HS6ST3: variants seen among roughly 807,000 people sequenced by gnomAD.
HS6ST3 encodes the protein heparan-sulfate 6-O-sulfotransferase 3.
Under a neutral mutation model 36.7 loss-of-function variants are expected in HS6ST3, and 12 were observed. The ratio of observed to expected loss-of-function variants is 0.33; its 90% CI spans 0.21 to 0.53. The LOEUF (loss-of-function observed/expected upper bound fraction) is 0.53, where lower values mean the gene tolerates loss of function less well. Ranked by LOEUF, HS6ST3 falls within the 20% of genes least tolerant of loss-of-function variation. HS6ST3 has a pLI of 0.95. For missense variants in HS6ST3, 584 were observed against 640.9 expected, an observed-to-expected ratio of 0.91 and a Z score of 0.96; for synonymous variants, 240 against 257.5, an observed-to-expected ratio of 0.93 and a Z score of 0.65.
chr13:96,586,044 A>AT (rs1297440977), intron 1 of HS6ST3, among the ~76,000 whole-genome samples: 1 of 151,808 alleles, frequency 6.6e-6, no homozygotes, highest in East Asian at 1.9e-4. Context: ...ATAAGGGTTT[A>AT]TTTTTTCCCA....
chr13:96,688,348 T>A lies in HS6ST3; in HGVS notation c.708-144142T>A, dbSNP rs928204657. ...AGCGTGGATGAATGCTGTGCTTCTA[T>A]GAATTTGTTTTATATTTTAAATGGA... On this transcript the variant is annotated intron_variant, in intron 1 of 1. Coordinates refer to ENST00000376705, the MANE Select transcript of HS6ST3 (RefSeq NM_153456.4). Among the ~76,000 whole-genome samples, 6 of 151,960 alleles carry A rather than the reference T, an allele frequency of 3.9e-5. No individual in the cohort carries two copies. In the Admixed American group the frequency reaches 3.9e-4, roughly 10 times the overall value.
intron 1 of HS6ST3, among the ~76,000 whole-genome samples, chr13:96,593,541 T>G (rs996253369): frequency 2.0e-5 from 3 of 151,500 alleles, no homozygotes; most frequent in African/African-American, 7.3e-5. Flanking sequence ...ACTAATTCTT[T>G]CTTCTGCTTG....
chr13:96,268,417 G>T (rs2054703280), intron 1 of HS6ST3, among the ~76,000 whole-genome samples: 1 of 151,864 alleles, frequency 6.6e-6, no homozygotes, highest in Non-Finnish European at 1.5e-5. Context: ...ATCAGATCTT[G>T]TGAGAACTCA....
rs79468926 is a variant in HS6ST3, at chr13:96,374,719, C to T, written c.707+283150C>T. Reference sequence around the variant, plus strand: ...CAGGCATCACAAAAAGGTCACTATACATCAGAGAACAAGGAGTTCTGACTT... The same window carrying T: ...CAGGCATCACAAAAAGGTCACTATATATCAGAGAACAAGGAGTTCTGACTT... On this transcript the variant is annotated intron_variant, in intron 1 of 1. Transcript: ENST00000376705. Among the ~76,000 whole-genome samples the T allele has an allele frequency of 1.4e-3, 212 of 152,214 alleles. 6 individuals are homozygous for T. The East Asian group carries it at 0.037, about 27-fold the overall frequency.
intron 1 of HS6ST3, among the ~76,000 whole-genome samples, chr13:96,298,467 C>T (rs1793143074): frequency 6.6e-6 from 1 of 152,140 alleles, no homozygotes; most frequent in Non-Finnish European, 1.5e-5. Flanking sequence ...TAAGTTTTCT[C>T]TTTAGGCTCG....
intron 1 of HS6ST3, among the ~76,000 whole-genome samples, chr13:96,417,948 C>T (rs764552244): frequency 1.3e-5 from 2 of 152,022 alleles, no homozygotes; most frequent in African/African-American, 2.4e-5. Flanking sequence ...GAATAACACA[C>T]GTGGACATTT....
chr13:96,435,211 A>T (rs887372466), intron 1 of HS6ST3, among the ~76,000 whole-genome samples: 2 of 152,230 alleles, frequency 1.3e-5, no homozygotes, highest in African/African-American at 4.8e-5. Flanking sequence ...GAAGCCTCAG[A>T]TAGAAATTCT....
chr13:96,449,859 A>G (rs1357974007), intron 1 of HS6ST3, among the ~76,000 whole-genome samples: 2 of 152,208 alleles, frequency 1.3e-5, no homozygotes, highest in Non-Finnish European at 2.9e-5. Flanking sequence ...GCCCTTCTCC[A>G]TTATAAAAAT....
chr13:96,387,340 G>A (rs1307059465), intron 1 of HS6ST3, among the ~76,000 whole-genome samples: 1 of 152,114 alleles, frequency 6.6e-6, no homozygotes, highest in Non-Finnish European at 1.5e-5. Flanking sequence ...AGTTAATATA[G>A]ATGATCTTCA....
intron 1 of HS6ST3, among the ~76,000 whole-genome samples, chr13:96,687,621 A>G (rs1438686787): frequency 6.6e-6 from 1 of 151,976 alleles, no homozygotes; most frequent in Admixed American, 6.6e-5. Flanking sequence ...AGTAGTGTGC[A>G]TGTCAGTCTG....
At chr13:96,610,853 G>GAAAAAAAAA (rs780834486) in intron 1 of HS6ST3, among the ~76,000 whole-genome samples, 1 of 135,838 alleles carries the variant, frequency 7.4e-6, no homozygotes, top group African/African-American at 2.7e-5. Context: ...TGAAAAAAAT[G>GAAAAAAAAA]AAAAAAAAAA....
chr13:96,627,150 C>T (rs1482430406), intron 1 of HS6ST3, among the ~76,000 whole-genome samples: 1 of 151,982 alleles, frequency 6.6e-6, no homozygotes, highest in African/African-American at 2.4e-5. Flanking sequence ...GTATTTATTG[C>T]GTATGTTTTT....
At chr13:96,732,464 C>T (rs866749840) in intron 1 of HS6ST3, among the ~76,000 whole-genome samples, 9 of 151,512 alleles carry the variant, frequency 5.9e-5, no homozygotes, top group Admixed American at 1.3e-4. Context: ...GTGCCTTTGT[C>T]GAAAACAGTT....
chr13:96,673,059 C>T (rs757051229), intron 1 of HS6ST3, among the ~76,000 whole-genome samples: 4 of 152,120 alleles, frequency 2.6e-5, no homozygotes, highest in Non-Finnish European at 5.9e-5. Flanking sequence ...TAGAGGAGAA[C>T]CCTCTCCTTT....
At chr13:96,207,570 A>T (rs2052448080) in intron 1 of HS6ST3, among the ~76,000 whole-genome samples, 1 of 152,160 alleles carries the variant, frequency 6.6e-6, no homozygotes, top group African/African-American at 2.4e-5. Context: ...AAAGACATGG[A>T]ATCAACCTAA....
chr13:96,464,626 G>T (rs2055803081), intron 1 of HS6ST3, among the ~76,000 whole-genome samples: 1 of 152,078 alleles, frequency 6.6e-6, no homozygotes, highest in Non-Finnish European at 1.5e-5. Flanking sequence ...CATATATAAT[G>T]GAAGAAGAGG....
At chr13:96,172,846 A>C (rs1159011667) in intron 1 of HS6ST3, among the ~76,000 whole-genome samples, 1 of 152,248 alleles carries the variant, frequency 6.6e-6, no homozygotes, top group East Asian at 1.9e-4. Flanking sequence ...ATAGACACAG[A>C]AAAATAATAA....
chr13:96,145,895 A>G lies in HS6ST3; in HGVS notation c.707+54326A>G, dbSNP rs1594693547. On this transcript the variant is annotated intron_variant, in intron 1 of 1. Coordinates refer to ENST00000376705, the MANE Select transcript of HS6ST3 (RefSeq NM_153456.4). ...ATGGCTAGCCAGTTTCCCCAGCACC[A>G]TTTATTAAATAGGGAATCCTTTCCC... Among the ~76,000 whole-genome samples the G allele has an allele frequency of 2.0e-5, 3 of 152,154 alleles. No homozygotes were observed. In the South Asian group the frequency reaches 6.2e-4, roughly 32 times the overall value.
At chr13:96,116,374 C>T (rs1295009336) in intron 1 of HS6ST3, among the ~76,000 whole-genome samples, 1 of 152,198 alleles carries the variant, frequency 6.6e-6, no homozygotes, top group East Asian at 1.9e-4. Context: ...CCTGACCCAA[C>T]TGTGGGGTGG....
Sources: allele counts gnomAD v4.1 joint callset (sites outside exome capture counted in the v4.1 genomes callset), GRCh38; gene constraint gnomAD v4.1.1; transcripts MANE v1.5; gene names NCBI Gene and HGNC (gene_info 2026-07-23, HGNC 2026-07-21).